CCNT1: variants seen among roughly 807,000 people sequenced by gnomAD.
The protein encoded by CCNT1 is cyclin T1.
A neutral mutation model predicts 67.3 loss-of-function variants in CCNT1; 18 were observed. That is an observed-to-expected ratio of 0.27 (90% CI 0.18 to 0.40). The LOEUF is 0.40. Among genes scored for constraint, CCNT1 ranks in the 10% least tolerant of loss-of-function variants. The pLI, the probability that CCNT1 is intolerant of heterozygous loss-of-function variation, is 1.00. For missense variants in CCNT1, 744 were observed against 884.9 expected (o/e 0.84, Z 2.02); for synonymous variants, 333 against 310.3 (o/e 1.07, Z -0.77).
chr12:48,695,746 T>G lies in CCNT1; in HGVS notation c.777+13A>C, dbSNP rs1339744967. 6.3e-7 allele frequency: 1 copy of G among 1,580,854 alleles called. No homozygotes were observed. The highest frequency in any genetic ancestry group is 8.7e-7 in the Non-Finnish European group (1 of 1,150,094). On this transcript the variant is annotated intron_variant, in intron 8 of 8. Coordinates refer to ENST00000261900, the MANE Select transcript of CCNT1 (RefSeq NM_001240.4). ...TTGATTTTGTTCCACAAGCTGACAGTAATGATTCTTACCCTCCAATTCCAA... is the reference window on the plus strand; with the variant it reads ...TTGATTTTGTTCCACAAGCTGACAGGAATGATTCTTACCCTCCAATTCCAA...
At chr12:48,710,968 G>A (rs1281710896) in intron 2 of CCNT1, among the ~76,000 whole-genome samples, 2 of 152,170 alleles carry the variant, frequency 1.3e-5, no homozygotes, top group Non-Finnish European at 2.9e-5. Flanking sequence ...GGCTGAGACA[G>A]GAGAATTGCT....
rs774039295 is a variant in CCNT1 at position 48,693,194 on chromosome 12, G to C, written c.2020C>G (p.Gln674Glu). 18 of 1,614,152 alleles carry C rather than the reference G, an allele frequency of 1.1e-5. No individual in the cohort carries two copies. Among genetic ancestry groups the C allele is most frequent in the Non-Finnish European group, 1.5e-5 (18 of 1,180,004 alleles). The change falls in exon 9 of 9, where the codon CAG becomes GAG. Residue 674 changes from glutamine (Q) to glutamate (E), a missense_variant. Gln to Glu is a conservative substitution (Grantham distance 29). Transcript: ENST00000261900. ...TCAAATGCAGTGGGCTGAGTGGGCT[G>C]AACACCCTGGGCACTGAGCAGGGAG... ...LHSLLSAQGV[Q>E]PTQPTAFEFV...
intron 3 of CCNT1, among the ~76,000 whole-genome samples, chr12:48,704,808 CA>C (rs370555291): frequency 1.3e-5 from 2 of 149,646 alleles, no homozygotes; most frequent in African/African-American, 2.5e-5. Flanking sequence ...GATTCCGTCT[CA>C]AAAAAAAAGA....
At position 48,716,667 on chromosome 12, in the gene CCNT1, T is replaced by C. The variant is rs1468361554; in HGVS notation, c.9A>G (p.Gly3=). ...ACCGTTTGTTGTTGTTCTTCCTCTC[T>C]CCCTCCATAGTGCTTCAACCAGAAG... ME[G]ERKNNNKRWY... The change falls in exon 1 of 9, where the codon GGA becomes GGG. Residue 3 remains glycine, a synonymous_variant. Transcript: ENST00000261900. 1.2e-6 allele frequency: 2 copies of C among 1,613,900 alleles called. No homozygotes were observed. The highest frequency in any genetic ancestry group is 1.3e-5 in the African/African-American group (1 of 75,044).
rs190961154 is a variant in CCNT1 at position 48,690,497 on chromosome 12, A to G, written c.*2536T>C. On this transcript the variant is annotated 3_prime_UTR_variant, in exon 9 of 9. Transcript: ENST00000261900. Reference sequence around the variant, plus strand: ...ACATCTGTTAACCCAAAAACAAAGCAGCAGCTTCATGCAGAGCCCACAAGG... The same window carrying G: ...ACATCTGTTAACCCAAAAACAAAGCGGCAGCTTCATGCAGAGCCCACAAGG... The G allele has an allele frequency of 3.9e-5, 6 of 152,312 alleles. No individual in the cohort carries two copies. The highest frequency in any genetic ancestry group is 8.8e-5 in the Non-Finnish European group (6 of 68,104). The allele number at this position is 152,312 out of a possible 1,614,324, so 9.4% of individuals were successfully genotyped here.
chr12:48,705,652 G>T, intron 3 of CCNT1, 116 bp downstream of exon 3: 1 of 806,164 alleles, frequency 1.2e-6, no homozygotes, highest in Non-Finnish European at 2.0e-6. Context: ...TCAATAAATC[G>T]AAGTTATAAA....
In CCNT1 at chr12:48,705,803, G is replaced by C; in HGVS notation, c.337C>G (p.His113Asp). ...GTATCAGGAAGGGATTCCTGAGGAT[G>C]GAGACAAGTATGTGCTACCTTGATG... The part of the protein sequence containing the change: ...HVIKVAHTCL[H>D]PQESLPDTRS... Residue 113 changes from histidine to aspartate, a missense_variant, in exon 3 of 9, where the codon CAT becomes GAT. By Grantham distance (81) the His-to-Asp change is moderately conservative. Coordinates refer to ENST00000261900, the MANE Select transcript of CCNT1 (RefSeq NM_001240.4). The C allele has an allele frequency of 6.2e-7, 1 of 1,612,740 alleles. No individual in the cohort carries two copies.
At chr12:48,715,933 T>G (rs1177074353) in intron 1 of CCNT1, among the ~76,000 whole-genome samples, 3 of 152,252 alleles carry the variant, frequency 2.0e-5, no homozygotes, top group African/African-American at 7.2e-5. Flanking sequence ...AGCATCTGAA[T>G]GCAAAGCACT....
At chr12:48,705,490 CT>C (rs1412480791) in intron 3 of CCNT1, 2 of 310,996 alleles carry the variant, frequency 6.4e-6, no homozygotes, top group Non-Finnish European at 1.2e-5. Flanking sequence ...CCAGGTTGGT[CT>C]TAAACTTCTG....
Position 48,695,837 on chromosome 12 carries a change from T to A in CCNT1, c.707-8A>T. Reference sequence around the variant, plus strand: ...GAAACTCATGTGTCAGTTCTACAAGTAAAACAGAACATTCAAGAAAGACTG... The same window carrying A: ...GAAACTCATGTGTCAGTTCTACAAGAAAAACAGAACATTCAAGAAAGACTG... On this transcript the variant is annotated splice_region_variant and splice_polypyrimidine_tract_variant and intron_variant, in intron 7 of 8. Coordinates refer to ENST00000261900, the MANE Select transcript of CCNT1 (RefSeq NM_001240.4). 2 of 1,604,468 alleles carry A rather than the reference T, an allele frequency of 1.2e-6. No individual in the cohort carries two copies. The highest frequency in any genetic ancestry group is 1.7e-6 in the Non-Finnish European group (2 of 1,171,514).
chr12:48,701,603 T>C (rs7299375), intron 3 of CCNT1, among the ~76,000 whole-genome samples: 12,920 of 151,896 alleles, frequency 0.085, 784 homozygotes, highest in East Asian at 0.19. Flanking sequence ...TATTTTTTGC[T>C]TTTCTTTTTT....
At chr12:48,715,357 C>T (rs1277249355) in intron 1 of CCNT1, among the ~76,000 whole-genome samples, 4 of 152,128 alleles carry the variant, frequency 2.6e-5, no homozygotes, top group Admixed American at 6.5e-5. Context: ...AATTTTCACA[C>T]GCAGAGTGGA....
chr12:48,701,217 CTTTTTTTTTTT>C (rs539754445), intron 3 of CCNT1, 144 bp from the exon 4 acceptor site: 2 of 92,952 alleles, frequency 2.2e-5, no homozygotes, highest in Non-Finnish European at 4.0e-5. Context: ...GAAATACAAT[CTTTTTTTTTTT>C]TTTTTTTTTT....
At chr12:48,708,065 C>T (rs1940391484) in intron 2 of CCNT1, among the ~76,000 whole-genome samples, 1 of 151,574 alleles carries the variant, frequency 6.6e-6, no homozygotes, top group Non-Finnish European at 1.5e-5. Context: ...CATACTGTCT[C>T]AAAAAATAAA....
chr12:48,697,684 T>G (rs1940194000), intron 6 of CCNT1, among the ~76,000 whole-genome samples: 1 of 147,518 alleles, frequency 6.8e-6, no homozygotes, highest in Admixed American at 6.7e-5. Context: ...CTGGGCGTGG[T>G]GGCGGGTACC....
chr12:48,693,875 G>T lies in CCNT1; in HGVS notation c.1339C>A (p.Pro447Thr). 6.2e-7 allele frequency: 1 copy of T among 1,613,986 alleles called. No homozygotes were observed. Among genetic ancestry groups the T allele is most frequent in the Non-Finnish European group, 8.5e-7 (1 of 1,179,970 alleles). ...GCCTTTTCCAGAAAAGGCCGCTCGG[G>T]GTTTTCTGAACCCTCTATGGGCATT... The part of the protein sequence containing the change: ...LKMPIEGSEN[P>T]ERPFLEKADK... The change falls in exon 9 of 9, where the codon CCC becomes ACC. Residue 447 changes from proline (P) to threonine (T), a missense_variant. Pro to Thr is a conservative substitution (Grantham distance 38). This residue lies in a region of CCNT1 where 564 missense variants were observed against 574.2 expected (regional missense o/e 0.98). Coordinates refer to ENST00000261900, the MANE Select transcript of CCNT1 (RefSeq NM_001240.4).
chr12:48,700,696 C>T (rs1312460116), intron 4 of CCNT1, among the ~76,000 whole-genome samples: 1 of 152,124 alleles, frequency 6.6e-6, no homozygotes, highest in African/African-American at 2.4e-5. Context: ...CATAACAATC[C>T]ACGGAAGGAA....
At chr12:48,712,766 C>T (rs1283011839) in intron 2 of CCNT1, among the ~76,000 whole-genome samples, 1 of 151,498 alleles carries the variant, frequency 6.6e-6, no homozygotes, top group Non-Finnish European at 1.5e-5. Context: ...GTGGTGAAAC[C>T]TCGTCTCTAC....
At chr12:48,707,646 T>C (rs559120867) in intron 2 of CCNT1, among the ~76,000 whole-genome samples, 25 of 147,218 alleles carry the variant, frequency 1.7e-4, no homozygotes, top group African/African-American at 6.3e-4. Context: ...TTATGATAAA[T>C]GTATATAACT....
Sources: gnomAD v4.1 joint callset for allele counts (sites outside exome capture counted in the v4.1 genomes callset) on GRCh38, gnomAD v4.1.1 for gene constraint, gnomAD v4.1.1 regional missense constraint, MANE v1.5 for transcripts, NCBI Gene and HGNC (gene_info 2026-07-23, HGNC 2026-07-21) for gene names.